PDLIM5: variants seen among roughly 807,000 people sequenced by gnomAD.
The protein encoded by PDLIM5 is PDZ and LIM domain 5, also known as PDZ and LIM domain protein 5.
Under a neutral mutation model 64.2 loss-of-function variants are expected in PDLIM5, and 34 were observed. The observed-to-expected ratio is 0.53, with a 90% CI of 0.40 to 0.71. The LOEUF (loss-of-function observed/expected upper bound fraction) is 0.71. PDLIM5 is among the 30% of genes least tolerant of loss of function. PDLIM5 has a pLI of 0.00. For synonymous variants in PDLIM5, 253 were observed against 269.1 expected, an observed-to-expected ratio of 0.94 and a Z score of 0.59; for missense variants, 683 against 733.6, an observed-to-expected ratio of 0.93 and a Z score of 0.80.
intron 3 of PDLIM5, among the ~76,000 whole-genome samples, chr4:94,534,935 C>A (rs989678045): frequency 7.2e-5 from 11 of 152,078 alleles, no homozygotes; most frequent in African/African-American, 2.4e-4. Flanking sequence ...GATGACAAAT[C>A]CCCAAGCAAA....
intron 3 of PDLIM5, among the ~76,000 whole-genome samples, chr4:94,551,888 C>CT (rs910278951): frequency 2.2e-4 from 33 of 151,826 alleles, no homozygotes; most frequent in Admixed American, 1.5e-3. Context: ...GGAAGAATGT[C>CT]TTTTTTTTGG....
intron 9 of PDLIM5, among the ~76,000 whole-genome samples, chr4:94,640,825 T>C (rs928586919): frequency 2.0e-5 from 3 of 152,192 alleles, no homozygotes; most frequent in Admixed American, 6.5e-5. Flanking sequence ...GACATTCATT[T>C]AGATGAAAAA....
chr4:94,556,299 C>T (rs1024699775), intron 3 of PDLIM5, among the ~76,000 whole-genome samples: 1 of 152,106 alleles, frequency 6.6e-6, no homozygotes, highest in Non-Finnish European at 1.5e-5. Context: ...TTAATCTAGC[C>T]TATCATTGAT....
chr4:94,655,761 A>T (rs1050434750), intron 10 of PDLIM5, among the ~76,000 whole-genome samples: 1 of 152,206 alleles, frequency 6.6e-6, no homozygotes, highest in African/African-American at 2.4e-5. Flanking sequence ...AGACCCAAAT[A>T]AAGTTCTGGG....
chr4:94,516,582 A>G (rs201420953), intron 2 of PDLIM5, among the ~76,000 whole-genome samples: 1 of 152,078 alleles, frequency 6.6e-6, no homozygotes, highest in African/African-American at 2.4e-5. Context: ...GGAGTATGGT[A>G]GTGCAATCAT....
At chr4:94,569,569 C>T (rs371134054) in intron 3 of PDLIM5, among the ~76,000 whole-genome samples, 157 of 152,244 alleles carry the variant, frequency 1.0e-3, no homozygotes, top group African/African-American at 3.6e-3. Context: ...ATCCACCCAC[C>T]TCAGCCTCCC....
intron 2 of PDLIM5, among the ~76,000 whole-genome samples, chr4:94,486,505 C>G (rs1269017091): frequency 1.3e-5 from 2 of 152,134 alleles, no homozygotes; most frequent in Non-Finnish European, 2.9e-5. Flanking sequence ...ACTAGAAGTA[C>G]TGTACTTTTT....
At chr4:94,657,615 A>G (rs1038688651) in intron 11 of PDLIM5, 68 bp downstream of exon 11, 6 of 1,158,230 alleles carry the variant, frequency 5.2e-6, no homozygotes, top group African/African-American at 4.6e-5. Context: ...TTATATTACT[A>G]TAAAGCTCAA....
At chr4:94,577,798 T>G (rs1335988192) in intron 5 of PDLIM5, among the ~76,000 whole-genome samples, 1 of 151,982 alleles carries the variant, frequency 6.6e-6, no homozygotes, top group Non-Finnish European at 1.5e-5. Context: ...CTAGTGCTTC[T>G]TGAAATCTCA....
intron 9 of PDLIM5, among the ~76,000 whole-genome samples, chr4:94,646,776 A>G (rs1034428764): frequency 1.3e-5 from 2 of 152,190 alleles, no homozygotes; most frequent in African/African-American, 2.4e-5. Context: ...TACTGGCACC[A>G]TGGTATATAT....
intron 8 of PDLIM5, among the ~76,000 whole-genome samples, chr4:94,639,859 C>T (rs2110456275): frequency 6.6e-6 from 1 of 152,154 alleles, no homozygotes; most frequent in South Asian, 2.1e-4. Context: ...GAAACCCCGT[C>T]TCTACTAAAA....
At chr4:94,560,159 G>A (rs1733710256) in intron 3 of PDLIM5, among the ~76,000 whole-genome samples, 1 of 152,086 alleles carries the variant, frequency 6.6e-6, no homozygotes, top group Non-Finnish European at 1.5e-5. Flanking sequence ...TTGTACCTAG[G>A]ATTCAGTGAA....
At chr4:94,538,669 A>C (rs1022884020) in intron 3 of PDLIM5, among the ~76,000 whole-genome samples, 4 of 152,202 alleles carry the variant, frequency 2.6e-5, no homozygotes, top group Admixed American at 2.6e-4. Context: ...GGTTTATAGC[A>C]AATACCATAA....
At position 94,568,931 on chromosome 4, in the gene PDLIM5, A is replaced by G. The variant is rs959894319; in HGVS notation, c.249-4420A>G. The stretch of plus-strand genomic sequence containing the variant: ...TTGACCAAATGAATTTACATGGAAT[A>G]TCACCAGATGATGAAGTCAATTTGG... On this transcript the variant is annotated intron_variant, in intron 3 of 12. Transcript: ENST00000317968. Among the ~76,000 whole-genome samples, 4 of 152,376 alleles carry G rather than the reference A, an allele frequency of 2.6e-5. No individual in the cohort carries two copies. In the East Asian group the frequency reaches 5.8e-4, roughly 22 times the overall value.
At chr4:94,651,361 A>C (rs1457348582) in intron 9 of PDLIM5, among the ~76,000 whole-genome samples, 1 of 152,154 alleles carries the variant, frequency 6.6e-6, no homozygotes, top group East Asian at 1.9e-4. Context: ...TTACTGTCTA[A>C]AATTCCTTTT....
intron 8 of PDLIM5, among the ~76,000 whole-genome samples, chr4:94,625,826 C>T (rs1739651675): frequency 6.6e-6 from 1 of 152,096 alleles, no homozygotes; most frequent in African/African-American, 2.4e-5. Context: ...TGTTGAGGCA[C>T]CATTCCCTTT....
intron 7 of PDLIM5, among the ~76,000 whole-genome samples, chr4:94,594,147 A>G (rs1030898862): frequency 3.9e-5 from 6 of 152,228 alleles, no homozygotes; most frequent in Admixed American, 1.3e-4. Context: ...AACCATACCT[A>G]AGTCACTTGA....
chr4:94,617,668 A>G (rs1738895123), intron 7 of PDLIM5, among the ~76,000 whole-genome samples: 1 of 148,318 alleles, frequency 6.7e-6, no homozygotes, highest in Non-Finnish European at 1.5e-5. Context: ...AAAAAAAAGT[A>G]GAAGAAGAAA....
intron 2 of PDLIM5, among the ~76,000 whole-genome samples, chr4:94,491,948 A>G (rs1367066771): frequency 6.6e-6 from 1 of 151,822 alleles, no homozygotes; most frequent in African/African-American, 2.4e-5. Flanking sequence ...AATATACGTT[A>G]TTATTGACTG....
Sources: allele counts gnomAD v4.1 joint callset (sites outside exome capture counted in the v4.1 genomes callset), GRCh38; gene constraint gnomAD v4.1.1; transcripts MANE v1.5; gene names NCBI Gene and HGNC (gene_info 2026-07-23, HGNC 2026-07-21).